The following HCK variants were observed in gnomAD, a reference collection of about 807,000 sequenced individuals.
HCK encodes the protein HCK proto-oncogene, Src family tyrosine kinase, also known as tyrosine-protein kinase HCK.
Under a neutral mutation model 70.4 loss-of-function variants are expected in HCK, and 40 were observed. The ratio of observed to expected loss-of-function variants is 0.57; its 90% CI spans 0.44 to 0.74. The LOEUF (loss-of-function observed/expected upper bound fraction) is 0.74. Among genes scored for constraint, HCK ranks in the 30% least tolerant of loss-of-function variants. The pLI, the probability that HCK is intolerant of heterozygous loss-of-function variation, is 0.00. For missense variants in HCK, 568 were observed against 697.2 expected (o/e 0.81, Z 2.09); for synonymous variants, 245 against 263.2 (o/e 0.93, Z 0.67).
intron 12 of HCK, 85 bp from the exon 13 acceptor site, chr20:32,101,232 C>G: frequency 1.7e-6 from 2 of 1,185,416 alleles, no homozygotes; most frequent in South Asian, 2.7e-5. Context: ...GGGAGTGATG[C>G]CTGCTGGGGA....
intron 10 of HCK, among the ~76,000 whole-genome samples, chr20:32,092,043 C>T (rs1413839639): frequency 6.6e-6 from 1 of 152,040 alleles, no homozygotes; most frequent in African/African-American, 2.4e-5. Flanking sequence ...CTAACTGCCT[C>T]GGGTGCCCCC....
At chr20:32,057,527 A>C (rs2122456572) in intron 1 of HCK, among the ~76,000 whole-genome samples, 1 of 152,230 alleles carries the variant, frequency 6.6e-6, no homozygotes, top group East Asian at 1.9e-4. Flanking sequence ...CTGAGCACAG[A>C]AGGTGAAGGT....
In HCK at chr20:32,088,603, A is replaced by G. The variant is rs1487021447; in HGVS notation, c.1051A>G (p.Ser351Gly). The change falls in exon 10 of 13, where the codon AGC becomes GGC. Residue 351 changes from serine to glycine, a missense_variant. Physicochemically the swap from Ser to Gly is moderately conservative, Grantham distance 56. Transcript: ENST00000375852. The stretch of plus-strand genomic sequence containing the variant: ...GGACTTTCTGAAAAGTGATGAGGGC[A>G]GCAAGCAGCCATTGCCAAAACTCAT... 4 of 1,613,978 alleles carry G rather than the reference A, an allele frequency of 2.5e-6. No homozygotes were observed. Among genetic ancestry groups the G allele is most frequent in the East Asian group, 4.5e-5 (2 of 44,892 alleles).
At chr20:32,094,836 AGAAAGAAAG>A (rs2045932151) in intron 11 of HCK, among the ~76,000 whole-genome samples, 1 of 150,678 alleles carries the variant, frequency 6.6e-6, no homozygotes, top group South Asian at 2.1e-4. Flanking sequence ...AAAGAAAGAA[AGAAAGAAAG>A]AAAGAAAAGA....
chr20:32,083,172 C>T (rs1258941021), intron 6 of HCK, among the ~76,000 whole-genome samples: 1 of 152,118 alleles, frequency 6.6e-6, no homozygotes, highest in East Asian at 1.9e-4. Context: ...CCACTTTGAC[C>T]TTCCTACCTC....
At chr20:32,078,760 G>A (rs958099154) in intron 5 of HCK, among the ~76,000 whole-genome samples, 12 of 143,268 alleles carry the variant, frequency 8.4e-5, no homozygotes, top group Admixed American at 8.0e-4. Context: ...GGGAGGCTGA[G>A]GCAAAATAAT....
chr20:32,078,460 G>T (rs772501678), intron 5 of HCK, among the ~76,000 whole-genome samples: 70 of 152,078 alleles, frequency 4.6e-4, no homozygotes, highest in Non-Finnish European at 8.7e-4. Flanking sequence ...TCAGAGCTTG[G>T]GTTCTGGAGT....
intron 12 of HCK, among the ~76,000 whole-genome samples, 174 bp from the exon 13 acceptor site, chr20:32,101,143 C>T (rs933545034): frequency 2.6e-5 from 4 of 152,222 alleles, no homozygotes; most frequent in Non-Finnish European, 5.9e-5. Context: ...GTCCCAGGCC[C>T]ATGTCCTAGC....
Position 32,052,281 on chromosome 20 carries a change from T to C in HCK, c.-144T>C. 1 of 559,060 alleles carries C rather than the reference T, an allele frequency of 1.8e-6. No individual in the cohort carries two copies. The highest frequency in any genetic ancestry group is 2.8e-6 in the Non-Finnish European group (1 of 358,462). The allele number at this position is 559,060 out of a possible 1,614,324, so 34.6% of individuals were successfully genotyped here. A position where few individuals can be genotyped will look rare whatever the true frequency, so the allele number is the denominator to read the frequency against. ...CCCAGCTCGGGAGCACATCAGAGGC[T>C]TAGAGGCGAGTGGGAAGGGACTCAG... On this transcript the variant is annotated 5_prime_UTR_variant, in exon 1 of 13. Coordinates refer to ENST00000375852, the MANE Select transcript of HCK (RefSeq NM_002110.5).
At chr20:32,057,116 G>A (rs932853735) in intron 1 of HCK, among the ~76,000 whole-genome samples, 5 of 152,200 alleles carry the variant, frequency 3.3e-5, no homozygotes, top group Admixed American at 6.5e-5. Flanking sequence ...TAGAACCCAC[G>A]ACTCCAGTGC....
Position 32,052,329 on chromosome 20 carries a change from C to G in HCK, c.-96C>G, listed in dbSNP as rs185904737. 2.3e-6 allele frequency: 2 copies of G among 879,446 alleles called. No homozygotes were observed. The allele number at this position is 879,446 out of a possible 1,614,324, so 54.5% of individuals were successfully genotyped here. A position where few individuals can be genotyped will look rare whatever the true frequency, so the allele number is the denominator to read the frequency against. ...CAGACAGTGCAGGACGAGAAACGCCCGCGGCACCAAAGCCCCTCAGAGCGT... is the reference window on the plus strand; with the variant it reads ...CAGACAGTGCAGGACGAGAAACGCCGGCGGCACCAAAGCCCCTCAGAGCGT... On this transcript the variant is annotated 5_prime_UTR_variant, in exon 1 of 13. Transcript: ENST00000375852.
At position 32,097,783 on chromosome 20, in the gene HCK, G is replaced by A. The variant is rs541184994; in HGVS notation, c.1247-1221G>A. 1.5e-4 allele frequency among the ~76,000 whole-genome samples: 23 copies of A among 152,000 alleles called. No homozygotes were observed. In the East Asian group the frequency reaches 4.2e-3, roughly 28 times the overall value. ...TAGAACATTTTCAAAACTTGACCAT[G>A]TACTCAGTCATAAAGCAGGTCTCAA... is the stretch of plus-strand genomic sequence containing the variant. On this transcript the variant is annotated intron_variant, in intron 11 of 12. Coordinates refer to ENST00000375852, the MANE Select transcript of HCK (RefSeq NM_002110.5).
At chr20:32,072,745 C>T (rs1568977350) in intron 2 of HCK, among the ~76,000 whole-genome samples, 2 of 151,856 alleles carry the variant, frequency 1.3e-5, no homozygotes, top group Admixed American at 6.6e-5. Flanking sequence ...TGATCTGGAC[C>T]GACCCCTTCA....
chr20:32,098,797 G>C (rs1171515006), intron 11 of HCK, among the ~76,000 whole-genome samples: 1 of 152,182 alleles, frequency 6.6e-6, no homozygotes, highest in South Asian at 2.1e-4. Flanking sequence ...CCATACCCCA[G>C]GCCCCTAAGC....
chr20:32,070,190 T>C (rs955422992), intron 1 of HCK, among the ~76,000 whole-genome samples: 1 of 152,148 alleles, frequency 6.6e-6, no homozygotes, highest in Non-Finnish European at 1.5e-5. Flanking sequence ...CATCATCTCA[T>C]ACCTGAACAA....
intron 5 of HCK, among the ~76,000 whole-genome samples, chr20:32,079,567 G>A (rs1036926645): frequency 3.3e-5 from 5 of 152,134 alleles, no homozygotes; most frequent in Admixed American, 6.5e-5. Context: ...GATTCACTTC[G>A]GGTAAAATGT....
chr20:32,060,381 C>CA (rs2045351154), intron 1 of HCK, among the ~76,000 whole-genome samples: 1 of 152,108 alleles, frequency 6.6e-6, no homozygotes, highest in African/African-American at 2.4e-5. Flanking sequence ...CTACCACGCC[C>CA]AGCTAATTTT....
chr20:32,100,418 G>A lies in HCK; in HGVS notation c.1379-899G>A, dbSNP rs148504189. On this transcript the variant is annotated intron_variant, in intron 12 of 12. Transcript: ENST00000375852. ...CGTGACTGGCATACGTTGATGAACT[G>A]GTGCTACGTTTCAAAAGGAGAAAAG... Among the ~76,000 whole-genome samples, 609 of 152,292 alleles carry A rather than the reference G, an allele frequency of 4.0e-3. 3 individuals carry two copies. Among genetic ancestry groups the A allele is most frequent in the Middle Eastern group, 0.01 (3 of 294 alleles).
chr20:32,097,716 CAT>C (rs1167699266), intron 11 of HCK, among the ~76,000 whole-genome samples: 5 of 151,924 alleles, frequency 3.3e-5, no homozygotes, highest in African/African-American at 9.7e-5. Flanking sequence ...AGGGAGAAAA[CAT>C]ATACACACAC....
Sources: allele counts gnomAD v4.1 joint callset (sites outside exome capture counted in the v4.1 genomes callset), GRCh38; gene constraint gnomAD v4.1.1; transcripts MANE v1.5; gene names NCBI Gene and HGNC (gene_info 2026-07-23, HGNC 2026-07-21).